DPH6: variants seen among roughly 807,000 people sequenced by gnomAD.
DPH6 encodes diphthine--ammonia ligase.
Under a neutral mutation model 38.2 loss-of-function variants are expected in DPH6, and 33 were observed. The observed-to-expected ratio is 0.86, with a 90% CI of 0.65 to 1.15. DPH6 has a LOEUF of 1.15. DPH6 is among the 50% of genes most tolerant of loss of function. The pLI, the probability that DPH6 is intolerant of heterozygous loss-of-function variation, is 0.00. For missense variants in DPH6, 325 were observed against 320.0 expected (o/e 1.02, Z -0.12); for synonymous variants, 108 against 103.0 (o/e 1.05, Z -0.30).
intron 3 of DPH6, among the ~76,000 whole-genome samples, chr15:35,279,816 C>G (rs1016528021): frequency 6.6e-6 from 1 of 152,096 alleles, no homozygotes; most frequent in African/African-American, 2.4e-5. Flanking sequence ...TAACTCCCCA[C>G]CCCCCAAATT....
At chr15:35,368,764 A>T (rs903138669), downstream of DPH6, among the ~76,000 whole-genome samples, 1 of 151,842 alleles carries the variant, frequency 6.6e-6, no homozygotes, top group African/African-American at 2.4e-5. Context: ...GAATAAAGAC[A>T]CTTTGAGGGG....
At chr15:35,186,449 AG>A in the DPH6 span, among the ~76,000 whole-genome samples, 1 of 152,174 alleles carries the variant, frequency 6.6e-6, no homozygotes, top group Non-Finnish European at 1.5e-5. Flanking sequence ...AAGGTGTAAG[AG>A]GGCTCTTAAC....
At chr15:35,490,038 C>T (rs1443257533) in intron 3 of DPH6, 4 of 985,206 alleles carry the variant, frequency 4.1e-6, no homozygotes, top group Admixed American at 6.2e-5. Flanking sequence ...AAAGAAAACA[C>T]CCCAAGGCTA....
intron 6 of DPH6, among the ~76,000 whole-genome samples, chr15:35,382,575 C>T (rs891108657): frequency 6.6e-6 from 1 of 152,160 alleles, no homozygotes; most frequent in Admixed American, 6.5e-5. Context: ...CCAAATTGGG[C>T]TCCCCCAACT....
the DPH6 span, among the ~76,000 whole-genome samples, chr15:35,164,408 T>G: frequency 2.0e-5 from 3 of 151,850 alleles, no homozygotes; most frequent in Admixed American, 6.6e-5. Context: ...TTATTTTTAT[T>G]TTTTGGAGCA....
chr15:35,500,035 A>C (rs2054605887), intron 3 of DPH6, among the ~76,000 whole-genome samples: 1 of 152,210 alleles, frequency 6.6e-6, no homozygotes, highest in African/African-American at 2.4e-5. Flanking sequence ...GGTGCAGCTT[A>C]TGATCTTAAA....
chr15:35,207,126 A>G, the DPH6 span, among the ~76,000 whole-genome samples: 24 of 135,068 alleles, frequency 1.8e-4, no homozygotes, highest in Non-Finnish European at 6.1e-5. Context: ...AGCTCATTGC[A>G]GCTGTGACCT....
At chr15:35,402,472 T>C (rs2053233525) in intron 6 of DPH6, among the ~76,000 whole-genome samples, 1 of 152,170 alleles carries the variant, frequency 6.6e-6, no homozygotes, top group East Asian at 1.9e-4. Flanking sequence ...AAACTAATTC[T>C]CTTGAAAAAA....
chr15:35,320,650 C>T (rs1336483464), intron 3 of DPH6, among the ~76,000 whole-genome samples: 1 of 152,128 alleles, frequency 6.6e-6, no homozygotes, highest in African/African-American at 2.4e-5. Flanking sequence ...TTCATGGTTC[C>T]TTTCGTTTTG....
chr15:35,159,596 G>A, the DPH6 span, among the ~76,000 whole-genome samples: 23 of 151,994 alleles, frequency 1.5e-4, no homozygotes, highest in South Asian at 2.7e-3. Flanking sequence ...AAGGAAACAC[G>A]TATACACTGT....
intron 5 of DPH6, among the ~76,000 whole-genome samples, chr15:35,440,453 T>C (rs2141055908): frequency 6.6e-6 from 1 of 152,344 alleles, no homozygotes; most frequent in East Asian, 1.9e-4. Context: ...CAAACAGTCA[T>C]GCAACTGGAG....
At chr15:35,448,621 C>T (rs1342741384) in intron 5 of DPH6, among the ~76,000 whole-genome samples, 1 of 152,098 alleles carries the variant, frequency 6.6e-6, no homozygotes, top group Non-Finnish European at 1.5e-5. Flanking sequence ...CAGTGCCAAA[C>T]TGGATACTAC....
rs967065685 is a variant in DPH6, at chr15:35,434,487, ATAAT to A, written c.505+16194_505+16197del. ...ATAAAATAAGTAGAAAAATTAAGAA[ATAAT>A]TAATTGATTATATCAGTAAAAACAG... On this transcript the variant is annotated intron_variant, in intron 5 of 8. Coordinates refer to ENST00000256538, the MANE Select transcript of DPH6 (RefSeq NM_080650.4). Among the ~76,000 whole-genome samples the A allele has an allele frequency of 3.3e-5, 5 of 152,338 alleles. No individual in the cohort carries two copies. In the East Asian group the frequency reaches 5.8e-4, roughly 18 times the overall value.
intron 5 of DPH6, among the ~76,000 whole-genome samples, chr15:35,411,911 A>G (rs993683066): frequency 7.3e-5 from 11 of 151,710 alleles, no homozygotes; most frequent in East Asian, 3.9e-4. Context: ...TAAAACTCCT[A>G]TAACAGGAAA....
chr15:35,210,886 C>G, the DPH6 span, among the ~76,000 whole-genome samples: 9 of 139,270 alleles, frequency 6.5e-5, no homozygotes, highest in Admixed American at 6.8e-4. Flanking sequence ...GAATTTGCAT[C>G]TTATCATTTC....
the DPH6 span, among the ~76,000 whole-genome samples, chr15:35,208,492 T>C: frequency 6.6e-6 from 1 of 152,150 alleles, no homozygotes; most frequent in African/African-American, 2.4e-5. Context: ...AGGTGCAGCA[T>C]CTAGAAGGCT....
intron 3 of DPH6, among the ~76,000 whole-genome samples, chr15:35,312,237 G>T (rs1213073226): frequency 6.6e-6 from 1 of 152,116 alleles, no homozygotes; most frequent in Non-Finnish European, 1.5e-5. Context: ...TGAAGAATAA[G>T]AAATTATTTG....
the DPH6 span, among the ~76,000 whole-genome samples, chr15:35,161,705 T>G: frequency 6.6e-6 from 1 of 151,844 alleles, no homozygotes; most frequent in Non-Finnish European, 1.5e-5. Context: ...GCTCTCTCTC[T>G]CTCTCTCTCA....
intron 5 of DPH6, among the ~76,000 whole-genome samples, chr15:35,450,302 C>T (rs2053915220): frequency 6.6e-6 from 1 of 151,686 alleles, no homozygotes. Context: ...GTGTCAAATA[C>T]ATATTATAAA....
Sources: gnomAD v4.1 joint callset for allele counts (sites outside exome capture counted in the v4.1 genomes callset) on GRCh38, gnomAD v4.1.1 for gene constraint, MANE v1.5 for transcripts, NCBI Gene and HGNC (gene_info 2026-07-23, HGNC 2026-07-21) for gene names.